CDC42SE2: variants seen among roughly 807,000 people sequenced by gnomAD.
CDC42SE2 encodes the protein CDC42 small effector protein 2.
A neutral mutation model predicts 11.5 loss-of-function variants in CDC42SE2; 3 were observed. The observed-to-expected ratio is 0.26, with a 90% CI of 0.12 to 0.67. The LOEUF is 0.67. CDC42SE2 is among the 30% of genes least tolerant of loss of function. CDC42SE2 has a pLI of 0.80. For missense variants in CDC42SE2, 82 were observed against 106.8 expected (o/e 0.77, Z 1.02); for synonymous variants, 33 against 34.8 (o/e 0.95, Z 0.18).
chr5:131,353,369 C>T (rs763905994), intron 2 of CDC42SE2, among the ~76,000 whole-genome samples: 1 of 151,670 alleles, frequency 6.6e-6, no homozygotes, highest in Non-Finnish European at 1.5e-5. Flanking sequence ...GCAATCTCCA[C>T]CTCCTTAGGT....
At chr5:131,359,003 G>A (rs973334087) in intron 2 of CDC42SE2, among the ~76,000 whole-genome samples, 1 of 152,144 alleles carries the variant, frequency 6.6e-6, no homozygotes, top group Non-Finnish European at 1.5e-5. Flanking sequence ...CGAAGGCAAA[G>A]ATTTCTGTCT....
chr5:131,312,602 C>T (rs576375980), intron 1 of CDC42SE2, among the ~76,000 whole-genome samples: 13 of 152,278 alleles, frequency 8.5e-5, no homozygotes, highest in Non-Finnish European at 1.6e-4. Context: ...ACTCCGTGGG[C>T]GTAGGACCCT....
At chr5:131,386,136 A>G (rs921616434) in intron 4 of CDC42SE2, among the ~76,000 whole-genome samples, 4 of 152,196 alleles carry the variant, frequency 2.6e-5, no homozygotes, top group Non-Finnish European at 5.9e-5. Context: ...CATGGGGGAA[A>G]TGGTTTTGGG....
chr5:131,241,937 T>C (rs1756543582), upstream of CDC42SE2, among the ~76,000 whole-genome samples: 1 of 152,192 alleles, frequency 6.6e-6, no homozygotes, highest in African/African-American at 2.4e-5. Context: ...ATATGCAAGA[T>C]TGTATATATA....
chr5:131,367,176 G>A (rs1316074782), intron 3 of CDC42SE2, among the ~76,000 whole-genome samples: 1 of 151,476 alleles, frequency 6.6e-6, no homozygotes. Context: ...ATATGTGTGT[G>A]TATATATATC....
chr5:131,351,471 G>T (rs1336416182), intron 2 of CDC42SE2, among the ~76,000 whole-genome samples: 1 of 152,098 alleles, frequency 6.6e-6, no homozygotes, highest in Admixed American at 6.6e-5. Context: ...AGCCAGGATG[G>T]TCTCGATCTC....
chr5:131,239,091 C>G, the CDC42SE2 span, among the ~76,000 whole-genome samples: 1 of 151,372 alleles, frequency 6.6e-6, no homozygotes, highest in Non-Finnish European at 1.5e-5. Context: ...AGGAGACAGA[C>G]GGAGGTTGAA....
At chr5:131,289,990 G>A (rs139922799) in intron 1 of CDC42SE2, among the ~76,000 whole-genome samples, 10 of 152,044 alleles carry the variant, frequency 6.6e-5, no homozygotes, top group Non-Finnish European at 1.3e-4. Context: ...TCACAGGTGC[G>A]TGCCACCATT....
intron 3 of CDC42SE2, among the ~76,000 whole-genome samples, chr5:131,364,800 A>G (rs1749806236): frequency 6.6e-6 from 1 of 152,262 alleles, no homozygotes; most frequent in East Asian, 1.9e-4. Context: ...GTTTTAACCT[A>G]TAATAGTCAG....
intron 2 of CDC42SE2, among the ~76,000 whole-genome samples, chr5:131,322,489 C>T (rs759587887): frequency 3.9e-5 from 6 of 152,160 alleles, no homozygotes; most frequent in Non-Finnish European, 8.8e-5. Context: ...TATAGCATGA[C>T]AGGATTTCCT....
At chr5:131,304,117 G>T (rs1258453756) in intron 1 of CDC42SE2, among the ~76,000 whole-genome samples, 2 of 151,844 alleles carry the variant, frequency 1.3e-5, no homozygotes, top group Non-Finnish European at 2.9e-5. Flanking sequence ...GCACCACCAT[G>T]CCAGGCTAAT....
At chr5:131,314,329 T>C (rs1331015830) in intron 1 of CDC42SE2, among the ~76,000 whole-genome samples, 1 of 151,732 alleles carries the variant, frequency 6.6e-6, no homozygotes, top group Non-Finnish European at 1.5e-5. Flanking sequence ...ACTCTTGGGC[T>C]CAAGTAATCC....
chr5:131,212,623 C>T, the CDC42SE2 span, among the ~76,000 whole-genome samples: 1 of 152,130 alleles, frequency 6.6e-6, no homozygotes, highest in Admixed American at 6.5e-5. Flanking sequence ...TTCTAAGTTC[C>T]CTAATTACCT....
At chr5:131,299,301 GT>G (rs1166099035) in intron 1 of CDC42SE2, among the ~76,000 whole-genome samples, 1 of 152,152 alleles carries the variant, frequency 6.6e-6, no homozygotes, top group East Asian at 1.9e-4. Context: ...GGGACTAAGA[GT>G]GGTTACCAGG....
At chr5:131,339,533 G>A (rs868163185) in intron 2 of CDC42SE2, among the ~76,000 whole-genome samples, 19 of 152,128 alleles carry the variant, frequency 1.2e-4, no homozygotes, top group African/African-American at 2.4e-4. Context: ...TTGGCCAAGC[G>A]CGGTTGCTCA....
the CDC42SE2 span, among the ~76,000 whole-genome samples, chr5:131,213,424 A>AT: frequency 6.6e-6 from 1 of 151,776 alleles, no homozygotes. Flanking sequence ...GATACCAATT[A>AT]TTTTTTTCTT....
the CDC42SE2 span, among the ~76,000 whole-genome samples, chr5:131,236,708 A>C: frequency 6.6e-6 from 1 of 152,194 alleles, no homozygotes; most frequent in Admixed American, 6.5e-5. Context: ...ATAGGCGTGA[A>C]CCATCACACT....
chr5:131,222,892 T>A, the CDC42SE2 span, among the ~76,000 whole-genome samples: 1 of 152,262 alleles, frequency 6.6e-6, no homozygotes, highest in South Asian at 2.1e-4. Flanking sequence ...CCTTTGCTTC[T>A]GACTCTGCTC....
intron 3 of CDC42SE2, among the ~76,000 whole-genome samples, chr5:131,383,250 G>C (rs537100176): frequency 6.6e-6 from 1 of 152,262 alleles, no homozygotes; most frequent in South Asian, 2.1e-4. Context: ...AGCAGTATGC[G>C]AGAAAAAGAT....
Sources: allele counts gnomAD v4.1 joint callset (sites outside exome capture counted in the v4.1 genomes callset), GRCh38; gene constraint gnomAD v4.1.1; transcripts MANE v1.5; gene names NCBI Gene and HGNC (gene_info 2026-07-23, HGNC 2026-07-21).